THSD7B: variants seen among roughly 807,000 people sequenced by gnomAD.
THSD7B encodes thrombospondin type 1 domain containing 7B.
In THSD7B, 138 loss-of-function variants were observed where a neutral mutation model predicts 213.6. The observed-to-expected ratio is 0.65, with a 90% CI of 0.56 to 0.74. The LOEUF (loss-of-function observed/expected upper bound fraction) is 0.74, where lower values mean the gene tolerates loss of function less well. Among genes scored for constraint, THSD7B ranks in the 30% least tolerant of loss-of-function variants. The pLI, the probability that THSD7B is intolerant of heterozygous loss-of-function variation, is 0.00. For missense variants in THSD7B, 1,931 were observed against 1,991.5 expected (o/e 0.97, Z 0.58); for synonymous variants, 742 against 687.0 (o/e 1.08, Z -1.25).
chr2:137,672,960 C>T (rs1430746201), intron 27 of THSD7B, among the ~76,000 whole-genome samples: 1 of 152,138 alleles, frequency 6.6e-6, no homozygotes, highest in Non-Finnish European at 1.5e-5. Flanking sequence ...GATGTAGCAC[C>T]TGGAAGTTAC....
chr2:137,231,053 T>C lies in THSD7B; in HGVS notation c.1733T>C (p.Val578Ala), dbSNP rs953388027. Residue 578 changes from valine to alanine, a missense_variant, in exon 8 of 28, where the codon GTA becomes GCA. Coordinates refer to ENST00000409968, the MANE Select transcript of THSD7B (RefSeq NM_001316349.2). ...ATCTTGTTGATTGTAGGAGAAGATGTATCAGGGAGTCTTTGCCCAGTTCCC... is the reference window on the plus strand; with the variant it reads ...ATCTTGTTGATTGTAGGAGAAGATGCATCAGGGAGTCTTTGCCCAGTTCCC... ...AVCQNDRGED[V>A]SGSLCPVPPP... 1.2e-6 allele frequency: 2 copies of C among 1,613,020 alleles called. No individual in the cohort carries two copies. Among genetic ancestry groups the C allele is most frequent in the African/African-American group, 2.7e-5 (2 of 74,880 alleles).
chr2:136,841,661 G>C (rs1222802071), intron 1 of THSD7B, among the ~76,000 whole-genome samples: 1 of 151,148 alleles, frequency 6.6e-6, no homozygotes, highest in Non-Finnish European at 1.5e-5. Context: ...AGGAATAGGA[G>C]AAATTATTGT....
intron 3 of THSD7B, among the ~76,000 whole-genome samples, chr2:137,079,838 T>C (rs951990747): frequency 3.9e-5 from 6 of 152,158 alleles, no homozygotes; most frequent in African/African-American, 1.2e-4. Flanking sequence ...TTTGTTTTTT[T>C]GTTTGTTTGT....
intron 5 of THSD7B, among the ~76,000 whole-genome samples, chr2:137,120,779 C>T (rs541502651): frequency 6.6e-6 from 1 of 152,208 alleles, no homozygotes; most frequent in South Asian, 2.1e-4. Context: ...CTACCTAGGC[C>T]GAGTGCAAAC....
chr2:136,973,133 G>T (rs576423646), intron 2 of THSD7B, among the ~76,000 whole-genome samples: 10 of 152,258 alleles, frequency 6.6e-5, no homozygotes, highest in South Asian at 2.1e-4. Flanking sequence ...ATCTTAGGAA[G>T]CACAAAGATT....
chr2:137,554,190 G>A (rs1680905130), intron 15 of THSD7B, among the ~76,000 whole-genome samples: 1 of 152,050 alleles, frequency 6.6e-6, no homozygotes, highest in Non-Finnish European at 1.5e-5. Flanking sequence ...CTCATTTCAT[G>A]GAGTGGGACT....
chr2:137,395,121 G>A (rs1288173535), intron 12 of THSD7B, among the ~76,000 whole-genome samples: 3 of 142,846 alleles, frequency 2.1e-5, no homozygotes, highest in Admixed American at 1.4e-4. Flanking sequence ...GGGACAATTT[G>A]ATTTCCTCTT....
chr2:137,084,566 C>T (rs1687803581), intron 3 of THSD7B, among the ~76,000 whole-genome samples: 1 of 152,142 alleles, frequency 6.6e-6, no homozygotes. Context: ...TGAGATCTGA[C>T]CAATGACTTG....
At chr2:137,008,930 T>C (rs1686171658) in intron 2 of THSD7B, among the ~76,000 whole-genome samples, 2 of 152,202 alleles carry the variant, frequency 1.3e-5, no homozygotes, top group Admixed American at 1.3e-4. Context: ...TGGTCGGTTC[T>C]ATAAAGGTTG....
intron 12 of THSD7B, among the ~76,000 whole-genome samples, chr2:137,307,868 G>T (rs904259881): frequency 3.3e-5 from 5 of 151,966 alleles, no homozygotes; most frequent in Admixed American, 3.3e-4. Flanking sequence ...GACCAGGAGC[G>T]GTGACCCTCT....
intron 2 of THSD7B, among the ~76,000 whole-genome samples, chr2:136,954,740 T>TAAAAAAAAAAAAAAAG (rs773677139): frequency 6.5e-5 from 9 of 137,486 alleles, no homozygotes; most frequent in South Asian, 2.2e-4. Context: ...AAAAAGAAAT[T>TAAAAAAAAAAAAAAAG]ACATAAGAGC....
intron 4 of THSD7B, among the ~76,000 whole-genome samples, chr2:137,113,220 A>T (rs1029023192): frequency 1.3e-4 from 20 of 152,112 alleles, no homozygotes; most frequent in African/African-American, 4.6e-4. Flanking sequence ...TGGATGAAAG[A>T]TCTATCTGTG....
intron 12 of THSD7B, among the ~76,000 whole-genome samples, chr2:137,380,277 C>T (rs1030298059): frequency 2.6e-5 from 4 of 150,976 alleles, no homozygotes; most frequent in Admixed American, 6.6e-5. Context: ...AAAATAGCCA[C>T]GCATGGTGGT....
intron 2 of THSD7B, among the ~76,000 whole-genome samples, chr2:137,002,076 G>T (rs1686010060): frequency 6.6e-6 from 1 of 151,934 alleles, no homozygotes; most frequent in Non-Finnish European, 1.5e-5. Context: ...TATGACTTTT[G>T]CCTTCCGCAT....
chr2:136,938,614 A>G lies in THSD7B; in HGVS notation c.139+56297A>G, dbSNP rs1221543200. On this transcript the variant is annotated intron_variant, in intron 2 of 27. Transcript: ENST00000409968. ...ATTCTTTTCCTTTAGTTTGGAGCCA[A>G]TGATAATGTAATGTTCTCTGCTTTT... Among the ~76,000 whole-genome samples, 6 of 152,152 alleles carry G rather than the reference A, an allele frequency of 3.9e-5. 1 individual carries two copies. The South Asian group carries it at 8.3e-4, about 21-fold the overall frequency.
chr2:137,292,937 G>A (rs1433455616), intron 12 of THSD7B, among the ~76,000 whole-genome samples: 1 of 151,978 alleles, frequency 6.6e-6, no homozygotes, highest in East Asian at 1.9e-4. Flanking sequence ...AGTCTGAACA[G>A]TGCATTTTCT....
intron 4 of THSD7B, among the ~76,000 whole-genome samples, chr2:137,099,302 C>T (rs1383016967): frequency 6.6e-6 from 1 of 152,126 alleles, no homozygotes; most frequent in Non-Finnish European, 1.5e-5. Context: ...TCCTGACTAA[C>T]ATCTAAAATA....
intron 22 of THSD7B, 63 bp from the exon 23 acceptor site, chr2:137,656,733 C>A (rs1683243072): frequency 1.1e-5 from 16 of 1,508,058 alleles, no homozygotes; most frequent in Middle Eastern, 1.8e-4. Flanking sequence ...CCTGCCCATG[C>A]AAATGTTGTC....
intron 14 of THSD7B, among the ~76,000 whole-genome samples, chr2:137,431,195 C>T (rs1687179323): frequency 6.6e-6 from 1 of 152,076 alleles, no homozygotes; most frequent in Non-Finnish European, 1.5e-5. Flanking sequence ...TTGGTTTGAT[C>T]TAGAAAGTGA....
Sources: allele counts gnomAD v4.1 joint callset (sites outside exome capture counted in the v4.1 genomes callset), GRCh38; gene constraint gnomAD v4.1.1; transcripts MANE v1.5; gene names NCBI Gene and HGNC (gene_info 2026-07-23, HGNC 2026-07-21).